Variants in TMEM138 observed in about 807,000 individuals in gnomAD.
TMEM138 encodes transmembrane protein 138.
Under a neutral mutation model 18.1 loss-of-function variants are expected in TMEM138, and 9 were observed. That is an observed-to-expected ratio of 0.50 (90% confidence interval 0.30 to 0.87). The LOEUF (loss-of-function observed/expected upper bound fraction) is 0.87. Among genes scored for constraint, TMEM138 ranks in the 40% least tolerant of loss-of-function variants. The pLI, the probability that TMEM138 is intolerant of heterozygous loss-of-function variation, is 0.06. For synonymous variants in TMEM138, 79 were observed against 74.8 expected, an observed-to-expected ratio of 1.06 and a Z score of -0.29; for missense variants, 189 against 190.6, an observed-to-expected ratio of 0.99 and a Z score of 0.05.
chr11:61,368,517 C>A (rs951866964), intron 4 of TMEM138, 80 bp from the exon 5 acceptor site: 3 of 960,098 alleles, frequency 3.1e-6, no homozygotes, highest in Non-Finnish European at 3.3e-6. Context: ...TGAGCCACCA[C>A]GCCTGGCCAG....
downstream of TMEM138, among the ~76,000 whole-genome samples, chr11:61,370,807 A>G (rs1858322551): frequency 6.6e-6 from 1 of 152,134 alleles, no homozygotes; most frequent in Admixed American, 6.5e-5. Context: ...TAGGATACAT[A>G]GGAAACGGGA....
Position 61,368,852 on chromosome 11 carries a change from G to A in TMEM138, c.*143G>A. 1 of 660,926 alleles carries A rather than the reference G, an allele frequency of 1.5e-6. No individual in the cohort carries two copies. The highest frequency in any genetic ancestry group is 2.7e-6 in the Non-Finnish European group (1 of 368,652). The allele number at this position is 660,926 out of a possible 1,614,324, so 40.9% of individuals were successfully genotyped here. On this transcript the variant is annotated 3_prime_UTR_variant, in exon 5 of 5. Transcript: ENST00000278826. ...CTAGCTGTGTTCAGCATTCAAGAAG[G>A]AAGATCCTCCCTCTTGCACAATTAG... is the stretch of plus-strand genomic sequence containing the variant.
intron 4 of TMEM138, 153 bp downstream of exon 4, chr11:61,368,151 T>C (rs762692569): frequency 2.7e-6 from 2 of 747,052 alleles, no homozygotes; most frequent in Non-Finnish European, 4.9e-6. Flanking sequence ...CCCCTGCCCT[T>C]GCTAGAAGAC....
In TMEM138 at chr11:61,367,865, T is replaced by TGGAGACATTAG. The variant is rs528020572; in HGVS notation, c.301-55_301-45dup. 1.0e-4 allele frequency: 109 copies of TGGAGACATTAG among 1,088,932 alleles called. No individual in the cohort carries two copies. The East Asian group carries it at 2.2e-3, about 22-fold the overall frequency. The allele number at this position is 1,088,932 out of a possible 1,614,324, so 67.5% of individuals were successfully genotyped here. On this transcript the variant is annotated intron_variant, in intron 3 of 4. Coordinates refer to ENST00000278826, the MANE Select transcript of TMEM138 (RefSeq NM_016464.5). Reference sequence around the variant, plus strand: ...CTGGCATCTCTGCAGCTAACCAAGTTGGAGACATTAGGGCTTCTTGTGGCC... The same window carrying TGGAGACATTAG: ...CTGGCATCTCTGCAGCTAACCAAGTTGGAGACATTAGGGAGACATTAGGGCTTCTTGTGGCC...
downstream of TMEM138, among the ~76,000 whole-genome samples, chr11:61,372,474 ATTCT>A (rs1361007107): frequency 7.1e-6 from 1 of 140,826 alleles, no homozygotes; most frequent in Non-Finnish European, 1.5e-5. Context: ...GCCGGAAAAC[ATTCT>A]TTCTCAAAAA....
At chr11:61,372,177 G>GA (rs34248583), downstream of TMEM138, among the ~76,000 whole-genome samples, 23 of 128,880 alleles carry the variant, frequency 1.8e-4, no homozygotes, top group African/African-American at 2.9e-4. Flanking sequence ...CTCTGTCTCA[G>GA]AAAAAAAAAA....
downstream of TMEM138, among the ~76,000 whole-genome samples, chr11:61,374,432 C>T (rs966779308): frequency 4.0e-5 from 6 of 151,886 alleles, no homozygotes; most frequent in African/African-American, 9.7e-5. Flanking sequence ...ATTACAGGTA[C>T]GAGCCACTGC....
downstream of TMEM138, among the ~76,000 whole-genome samples, chr11:61,370,006 T>C (rs1241528667): frequency 3.9e-5 from 6 of 152,192 alleles, no homozygotes; most frequent in African/African-American, 7.2e-5. Context: ...GAAATTGACA[T>C]GAGGCTAAAA....
chr11:61,369,957 C>T (rs1261838598), downstream of TMEM138, among the ~76,000 whole-genome samples: 3 of 152,186 alleles, frequency 2.0e-5, no homozygotes, highest in Non-Finnish European at 4.4e-5. Context: ...AAGTGGCAAA[C>T]GGTTACCAAC....
At chr11:61,368,576 T>C in intron 4 of TMEM138, 21 bp from the exon 5 acceptor site, 1 of 1,574,322 alleles carries the variant, frequency 6.4e-7, no homozygotes, top group Non-Finnish European at 8.7e-7. Context: ...CTGAGGCTTC[T>C]CTTCTGCTTC....
intron 2 of TMEM138, among the ~76,000 whole-genome samples, chr11:61,364,975 G>A (rs1858085760): frequency 6.6e-6 from 1 of 151,622 alleles, no homozygotes; most frequent in Non-Finnish European, 1.5e-5. Context: ...ATCACCTGAG[G>A]TCGGGAATTC....
downstream of TMEM138, among the ~76,000 whole-genome samples, chr11:61,373,849 T>TTTTTTA (rs1565082906): frequency 5.3e-5 from 8 of 151,724 alleles, no homozygotes; most frequent in Non-Finnish European, 1.2e-4. Flanking sequence ...TTTATTTTTT[T>TTTTTTA]TTTTTTTAAA....
chr11:61,371,943 G>C (rs1239655721), downstream of TMEM138, among the ~76,000 whole-genome samples: 1 of 151,988 alleles, frequency 6.6e-6, no homozygotes, highest in South Asian at 2.1e-4. Context: ...TTGGGAGGTC[G>C]AGGTGGGGTG....
chr11:61,372,647 G>A (rs757217498), downstream of TMEM138, among the ~76,000 whole-genome samples: 9 of 152,060 alleles, frequency 5.9e-5, no homozygotes, highest in Admixed American at 2.0e-4. Flanking sequence ...TTAGGCAGGC[G>A]TGGTGGCAGG....
At chr11:61,373,842 A>T (rs533541978), downstream of TMEM138, among the ~76,000 whole-genome samples, 188 of 150,062 alleles carry the variant, frequency 1.3e-3, no homozygotes, top group African/African-American at 4.1e-3. Context: ...TTTATTTTTT[A>T]TTTTTTTTTT....
At chr11:61,367,819 G>A in intron 3 of TMEM138, 104 bp from the exon 4 acceptor site, 2 of 747,840 alleles carry the variant, frequency 2.7e-6, no homozygotes, top group Non-Finnish European at 2.4e-6. Flanking sequence ...GGAGGAAGAG[G>A]TTAGCATGAT....
Position 61,368,584 on chromosome 11 carries a change from T to G in TMEM138, c.377-13T>G. On this transcript the variant is annotated splice_polypyrimidine_tract_variant and intron_variant, in intron 4 of 4. Transcript: ENST00000278826. ...AGCACCCCTGAGGCTTCTCTTCTGC[T>G]TCCTCCCCACAGCAGCAGTGTTGTA... 1.9e-6 allele frequency: 3 copies of G among 1,597,698 alleles called. No individual in the cohort carries two copies. The highest frequency in any genetic ancestry group is 2.6e-6 in the Non-Finnish European group (3 of 1,166,180).
downstream of TMEM138, among the ~76,000 whole-genome samples, chr11:61,375,964 C>G (rs1279106367): frequency 6.6e-6 from 1 of 152,166 alleles, no homozygotes; most frequent in Non-Finnish European, 1.5e-5. Context: ...TGGCACAAAT[C>G]CACGGCTGGG....
In TMEM138 at chr11:61,366,026, CT is replaced by C. The variant is rs745468928; in HGVS notation, c.129-11del. On this transcript the variant is annotated intron_variant, in intron 2 of 4. Transcript: ENST00000278826. ...CTCACACAGGCCTTCATTGGTTGTA[CT>C]TTTTTTTATGTCTACAGCATCCAGG... The C allele has an allele frequency of 6.9e-6, 11 of 1,602,942 alleles. No homozygotes were observed. The highest frequency in any genetic ancestry group is 4.5e-5 in the South Asian group (4 of 89,366).
Sources: allele counts gnomAD v4.1 joint callset (sites outside exome capture counted in the v4.1 genomes callset), GRCh38; gene constraint gnomAD v4.1.1; transcripts MANE v1.5; gene names NCBI Gene and HGNC (gene_info 2026-07-23, HGNC 2026-07-21).